The following CD44 variants were observed in gnomAD, a reference collection of about 807,000 sequenced individuals.
CD44 encodes the protein CD44 molecule (IN blood group).
In CD44, 49 loss-of-function variants were observed where a neutral mutation model predicts 88.8. The observed-to-expected ratio is 0.55, with a 90% CI of 0.44 to 0.70. CD44 has a LOEUF of 0.70. Among genes scored for constraint, CD44 ranks in the 30% least tolerant of loss-of-function variants. The pLI, the probability that CD44 is intolerant of heterozygous loss-of-function variation, is 0.00. For missense variants in CD44, 883 were observed against 913.8 expected (o/e 0.97, Z 0.43); for synonymous variants, 325 against 312.3 (o/e 1.04, Z -0.43).
At chr11:35,176,547 A>C in intron 1 of CD44, 28 bp from the exon 2 acceptor site, 4 of 1,592,726 alleles carry the variant, frequency 2.5e-6, no homozygotes, top group Non-Finnish European at 2.6e-6. Context: ...TATGCAAAAG[A>C]ATCTAACATT....
chr11:35,211,971 A>G (rs1948436169), intron 14 of CD44, among the ~76,000 whole-genome samples: 1 of 151,484 alleles, frequency 6.6e-6, no homozygotes, highest in Non-Finnish European at 1.5e-5. Context: ...TGATGGATAA[A>G]CCTCTTCTAG....
chr11:35,169,584 G>A (rs959432941), intron 1 of CD44, among the ~76,000 whole-genome samples: 3 of 152,160 alleles, frequency 2.0e-5, no homozygotes, highest in African/African-American at 2.4e-5. Context: ...TTGGGAAGAC[G>A]TAGATAATGG....
chr11:35,152,294 C>T (rs1043701944), intron 1 of CD44, among the ~76,000 whole-genome samples: 1 of 152,150 alleles, frequency 6.6e-6, no homozygotes, highest in African/African-American at 2.4e-5. Context: ...CACTACTCAT[C>T]CCCAAGGGAA....
At chr11:35,192,038 C>G (rs1946320497) in intron 5 of CD44, among the ~76,000 whole-genome samples, 5 of 152,140 alleles carry the variant, frequency 3.3e-5, no homozygotes. Flanking sequence ...TTCATGGAGA[C>G]TACATATTAT....
In CD44 at chr11:35,144,816, C is replaced by G. The variant is rs150970357; in HGVS notation, c.67+5446C>G. On this transcript the variant is annotated intron_variant, in intron 1 of 17. Transcript: ENST00000428726. ...TACATGACTTAATGTAATTGAAAGTCAAACACTTTTTAAAAATGCTTTTTG... is the reference window on the plus strand; with the variant it reads ...TACATGACTTAATGTAATTGAAAGTGAAACACTTTTTAAAAATGCTTTTTG... Among the ~76,000 whole-genome samples the G allele has an allele frequency of 2.0e-5, 3 of 152,324 alleles. No individual in the cohort carries two copies. In the East Asian group the frequency reaches 5.8e-4, roughly 29 times the overall value.
At chr11:35,167,937 A>G (rs1943479713) in intron 1 of CD44, among the ~76,000 whole-genome samples, 1 of 152,232 alleles carries the variant, frequency 6.6e-6, no homozygotes, top group Non-Finnish European at 1.5e-5. Flanking sequence ...TAAATTCCCA[A>G]GAGTATGATG....
intron 15 of CD44, chr11:35,215,121 C>T (rs185318893): frequency 9.4e-5 from 37 of 393,810 alleles, no homozygotes; most frequent in African/African-American, 7.0e-4. Context: ...GGAGCCCAAG[C>T]ATTTGCATTT....
At chr11:35,140,667 A>G (rs946679195) in intron 1 of CD44, among the ~76,000 whole-genome samples, 15 of 152,098 alleles carry the variant, frequency 9.9e-5, no homozygotes, top group African/African-American at 3.6e-4. Flanking sequence ...GGTCTTTGCT[A>G]GGTGGGGATT....
At chr11:35,209,909 A>G in intron 12 of CD44, 56 bp from the exon 13 acceptor site, 1 of 1,169,532 alleles carries the variant, frequency 8.6e-7, no homozygotes, top group Non-Finnish European at 1.2e-6. Flanking sequence ...CTAGCAGATA[A>G]CAGGATTTGT....
chr11:35,221,601 T>C, intron 16 of CD44, 53 bp from the exon 17 acceptor site: 1 of 1,516,202 alleles, frequency 6.6e-7, no homozygotes, highest in Admixed American at 1.7e-5. Context: ...ATTTTTGTTT[T>C]TACAAAGTGT....
At chr11:35,221,216 A>G (rs556557873) in intron 16 of CD44, among the ~76,000 whole-genome samples, 2 of 152,286 alleles carry the variant, frequency 1.3e-5, no homozygotes, top group East Asian at 1.9e-4. Flanking sequence ...ACCCTAATTT[A>G]TTTAACCAAT....
rs1857405660 is a variant in CD44, at chr11:35,139,245, C to T, written c.-59C>T. ...CGTCCCGTCCTCCGCCGGCCCCTGCCCCGCGCCCAGGGATCCTCCAGCTCC... is the reference window on the plus strand; with the variant it reads ...CGTCCCGTCCTCCGCCGGCCCCTGCTCCGCGCCCAGGGATCCTCCAGCTCC... On this transcript the variant is annotated 5_prime_UTR_variant, in exon 1 of 18. Transcript: ENST00000428726. The T allele has an allele frequency of 7.1e-7, 1 of 1,405,040 alleles. No homozygotes were observed. The highest frequency in any genetic ancestry group is 1.4e-5 in the African/African-American group (1 of 70,208). The allele number at this position is 1,405,040 out of a possible 1,614,324, so 87.0% of individuals were successfully genotyped here.
chr11:35,153,559 T>C (rs1477805120), intron 1 of CD44, among the ~76,000 whole-genome samples: 4 of 152,210 alleles, frequency 2.6e-5, no homozygotes, highest in South Asian at 2.1e-4. Context: ...CAACGCATAC[T>C]AGTTGAACAC....
intron 1 of CD44, among the ~76,000 whole-genome samples, chr11:35,171,778 C>A (rs780484282): frequency 6.6e-6 from 1 of 151,998 alleles, no homozygotes; most frequent in Non-Finnish European, 1.5e-5. Flanking sequence ...TCAATGCAAT[C>A]TTTCTTACAT....
intron 1 of CD44, among the ~76,000 whole-genome samples, chr11:35,169,485 T>A (rs1205106977): frequency 6.6e-6 from 1 of 152,028 alleles, no homozygotes; most frequent in Non-Finnish European, 1.5e-5. Context: ...GGTCCATGGA[T>A]GTATTGACCA....
chr11:35,219,308 C>T lies in CD44; in HGVS notation c.1874-8C>T, dbSNP rs754919198. The T allele has an allele frequency of 6.2e-7, 1 of 1,611,710 alleles. No individual in the cohort carries two copies. Among genetic ancestry groups the T allele is most frequent in the South Asian group, 1.1e-5 (1 of 91,032 alleles). On this transcript the variant is annotated splice_region_variant and splice_polypyrimidine_tract_variant and intron_variant, in intron 15 of 17. Transcript: ENST00000428726. ...ACTTTGGTTGAGAGATGTTGTTTTT[C>T]CCCTTAGGACACTCACATGGGAGTC... is the stretch of plus-strand genomic sequence containing the variant.
chr11:35,208,040 C>T, intron 11 of CD44, 65 bp from the exon 12 acceptor site: 2 of 969,664 alleles, frequency 2.1e-6, no homozygotes, highest in Non-Finnish European at 1.7e-6. Flanking sequence ...CAGCTGTAGA[C>T]CATAAGCCAC....
chr11:35,215,835 G>A lies in CD44; in HGVS notation c.1873+921G>A, dbSNP rs375654905. 3.3e-5 allele frequency among the ~76,000 whole-genome samples: 5 copies of A among 151,568 alleles called. No homozygotes were observed. The South Asian group carries it at 1.0e-3, about 32-fold the overall frequency. On this transcript the variant is annotated intron_variant, in intron 15 of 17. Transcript: ENST00000428726. ...TGCAGTGAGCCAAGATTGCACCACT[G>A]CACTCCAGCCTGGGTGACAGAGCAA...
rs371493018 is a variant in CD44 at position 35,221,055 on chromosome 11, G to A, written c.1946-599G>A. 1.1e-4 allele frequency among the ~76,000 whole-genome samples: 16 copies of A among 152,152 alleles called. No homozygotes were observed. In the South Asian group the frequency reaches 1.7e-3, roughly 16 times the overall value. On this transcript the variant is annotated intron_variant, in intron 16 of 17. Transcript: ENST00000428726. ...ATTACAGGCGTGAGCCACCGCACCC[G>A]GCCTTTCCTGTCATTTTAAAATGTA...
Sources: allele counts gnomAD v4.1 joint callset (sites outside exome capture counted in the v4.1 genomes callset), GRCh38; gene constraint gnomAD v4.1.1; transcripts MANE v1.5; gene names NCBI Gene and HGNC (gene_info 2026-07-23, HGNC 2026-07-21).